CBLB: variants seen among roughly 807,000 people sequenced by gnomAD.
The protein encoded by CBLB is Cbl proto-oncogene B.
Under a neutral mutation model 104.9 loss-of-function variants are expected in CBLB, and 31 were observed. The observed-to-expected ratio is 0.30, with a 90% CI of 0.22 to 0.40. The LOEUF (loss-of-function observed/expected upper bound fraction) is 0.40. CBLB is among the 10% of genes least tolerant of loss of function. The pLI is 1.00. For missense variants in CBLB, 1,062 were observed against 1,214.6 expected (o/e 0.87, Z 1.87); for synonymous variants, 440 against 422.6 (o/e 1.04, Z -0.51).
chr3:105,727,928 C>T (rs528951435), intron 9 of CBLB, among the ~76,000 whole-genome samples: 54 of 152,284 alleles, frequency 3.5e-4, no homozygotes, highest in Admixed American at 1.3e-3. Context: ...CAGTACCATG[C>T]TGTTTTGGTT....
chr3:105,847,925 A>G (rs1231234977), intron 3 of CBLB, among the ~76,000 whole-genome samples: 1 of 152,146 alleles, frequency 6.6e-6, no homozygotes, highest in Non-Finnish European at 1.5e-5. Flanking sequence ...TTGCGCCACT[A>G]AAACTTTAAG....
rs1304278263 is a variant in CBLB at position 105,751,631 on chromosome 3, G to GA, written c.567-14dup. On this transcript the variant is annotated splice_polypyrimidine_tract_variant and intron_variant, in intron 4 of 18. Coordinates refer to ENST00000394030, the MANE Select transcript of CBLB (RefSeq NM_170662.5). ...TGGTACGATAGTTCTGTGCAAGGTG[G>GA]AAAAAAAGGGAAATAATTGAATCAA... 8 of 1,606,246 alleles carry GA rather than the reference G, an allele frequency of 5.0e-6. No homozygotes were observed. The highest frequency in any genetic ancestry group is 2.2e-5 in the South Asian group (2 of 90,762).
intron 2 of CBLB, among the ~76,000 whole-genome samples, chr3:105,862,115 T>C (rs1179694574): frequency 2.0e-5 from 3 of 152,134 alleles, no homozygotes; most frequent in African/African-American, 7.2e-5. Flanking sequence ...AGAATTCAAT[T>C]ATCTGACTTT....
At chr3:105,772,691 C>T (rs1360699845) in intron 4 of CBLB, among the ~76,000 whole-genome samples, 2 of 151,934 alleles carry the variant, frequency 1.3e-5, no homozygotes, top group African/African-American at 4.8e-5. Context: ...ATAATCCCAT[C>T]AAAAAGTGGG....
chr3:105,741,291 C>T (rs561735457), intron 6 of CBLB, among the ~76,000 whole-genome samples: 3 of 152,122 alleles, frequency 2.0e-5, no homozygotes, highest in African/African-American at 4.8e-5. Flanking sequence ...CAGGTTCAAG[C>T]GATTCTCCTG....
chr3:105,758,547 C>G (rs567869801), intron 4 of CBLB, among the ~76,000 whole-genome samples: 12 of 152,342 alleles, frequency 7.9e-5, no homozygotes, highest in African/African-American at 2.9e-4. Context: ...CTGACTCAAC[C>G]TGGCGGGCCA....
At chr3:105,824,667 A>G (rs755357564) in intron 3 of CBLB, among the ~76,000 whole-genome samples, 4 of 152,062 alleles carry the variant, frequency 2.6e-5, no homozygotes, top group Non-Finnish European at 4.4e-5. Flanking sequence ...ATCTTAAAAT[A>G]CGATTTTTAT....
intron 3 of CBLB, among the ~76,000 whole-genome samples, chr3:105,826,989 T>C (rs764692950): frequency 1.2e-4 from 19 of 152,192 alleles, no homozygotes; most frequent in Admixed American, 1.3e-4. Context: ...CAGCTATGCA[T>C]AATGAATGTG....
In CBLB at chr3:105,720,156, G is replaced by A; in HGVS notation, c.1298C>T (p.Ser433Phe). ...VDPFDPRDEG[S>F]RCCSIIDPFG... ...GGGGTCAATGATGCTGCAACACCTG[G>A]AGCCTTCATCTCTTGGATCAAAGGG... The change falls in exon 10 of 19, where the codon TCC becomes TTC. Residue 433 changes from serine to phenylalanine, a missense_variant. Physicochemically the swap from Ser to Phe is radical, Grantham distance 155. Coordinates refer to ENST00000394030, the MANE Select transcript of CBLB (RefSeq NM_170662.5). The A allele has an allele frequency of 1.9e-6, 3 of 1,613,854 alleles. No homozygotes were observed. Among genetic ancestry groups the A allele is most frequent in the Non-Finnish European group, 2.5e-6 (3 of 1,179,886 alleles).
chr3:105,735,184 TAAAC>T (rs2074776389), intron 8 of CBLB, among the ~76,000 whole-genome samples: 1 of 152,076 alleles, frequency 6.6e-6, no homozygotes, highest in Non-Finnish European at 1.5e-5. Flanking sequence ...TACATATACA[TAAAC>T]ATACATGGAT....
Position 105,678,547 on chromosome 3 carries a change from G to A in CBLB, c.2453C>T (p.Pro818Leu). 1 of 1,613,680 alleles carries A rather than the reference G, an allele frequency of 6.2e-7. No homozygotes were observed. The highest frequency in any genetic ancestry group is 8.5e-7 in the Non-Finnish European group (1 of 1,179,776). Residue 818 changes from proline to leucine, a missense_variant, in exon 17 of 19, where the codon CCT (proline) becomes CTT (leucine). By Grantham distance (98) the Pro-to-Leu change is moderately conservative. Around this residue, in one of 2 missense-constraint regions of CBLB, gnomAD observed 605 missense variants for 582.6 expected, o/e 1.04. Transcript: ENST00000394030. Reference protein sequence around the residue: ...PLGEDAFDALPPSLPPPPPPA... With the variant: ...PLGEDAFDALLPSLPPPPPPA... ...AGGTGGGGGAGGTGGGAGAGATGGA[G>A]GGAGGGCATCAAAAGCATCTTCACC...
chr3:105,840,829 G>T (rs2089433690), intron 3 of CBLB, among the ~76,000 whole-genome samples: 1 of 148,794 alleles, frequency 6.7e-6, no homozygotes, highest in African/African-American at 2.5e-5. Context: ...TAAACCTAAA[G>T]TTACAGTAGT....
intron 7 of CBLB, among the ~76,000 whole-genome samples, chr3:105,738,351 C>T (rs940103538): frequency 2.6e-5 from 4 of 152,000 alleles, no homozygotes; most frequent in Non-Finnish European, 5.9e-5. Flanking sequence ...AGGGACAAAT[C>T]AGTGAGATGA....
intron 7 of CBLB, among the ~76,000 whole-genome samples, chr3:105,738,552 C>T (rs2075194799): frequency 6.6e-6 from 1 of 151,822 alleles, no homozygotes; most frequent in Non-Finnish European, 1.5e-5. Flanking sequence ...TTTTATGTAT[C>T]ACATTTCAAA....
At chr3:105,854,498 A>T (rs891623402) in intron 2 of CBLB, among the ~76,000 whole-genome samples, 3 of 152,184 alleles carry the variant, frequency 2.0e-5, no homozygotes, top group Non-Finnish European at 2.9e-5. Context: ...GCACAGTAGC[A>T]TTATATAGTG....
intron 3 of CBLB, among the ~76,000 whole-genome samples, chr3:105,813,123 A>G (rs1230079387): frequency 6.6e-6 from 1 of 152,182 alleles, no homozygotes; most frequent in Admixed American, 6.5e-5. Flanking sequence ...TTAGCAAACA[A>G]AAGAAGGAAA....
chr3:105,705,653 T>TA (rs754790962), intron 10 of CBLB, among the ~76,000 whole-genome samples: 1 of 152,246 alleles, frequency 6.6e-6, no homozygotes, highest in Non-Finnish European at 1.5e-5. Flanking sequence ...GGATCCATGC[T>TA]ATCAACATGA....
At chr3:105,726,895 T>C (rs553336275) in intron 9 of CBLB, among the ~76,000 whole-genome samples, 1 of 152,264 alleles carries the variant, frequency 6.6e-6, no homozygotes, top group East Asian at 1.9e-4. Context: ...TCCTTTTTTA[T>C]GGCTGCATAG....
chr3:105,858,076 G>A (rs566308495), intron 2 of CBLB, among the ~76,000 whole-genome samples: 3 of 152,248 alleles, frequency 2.0e-5, no homozygotes, highest in East Asian at 3.9e-4. Flanking sequence ...AGGAAGGAAG[G>A]CTGTGAGTGA....
Sources: allele counts gnomAD v4.1 joint callset (sites outside exome capture counted in the v4.1 genomes callset), GRCh38; gene constraint gnomAD v4.1.1; regional missense constraint gnomAD v4.1.1; transcripts MANE v1.5; gene names NCBI Gene and HGNC (gene_info 2026-07-23, HGNC 2026-07-21).